The following TENM4 variants were observed in gnomAD, a reference collection of about 807,000 sequenced individuals.
TENM4 encodes teneurin-4.
Under a neutral mutation model 243.3 loss-of-function variants are expected in TENM4, and 82 were observed. The observed-to-expected ratio is 0.34, with a 90% CI of 0.28 to 0.40. The LOEUF (loss-of-function observed/expected upper bound fraction) is 0.40. TENM4 is among the 10% of genes least tolerant of loss of function. The pLI is 1.00. For missense variants in TENM4, 3,138 were observed against 3,673.3 expected, an observed-to-expected ratio of 0.85 and a Z score of 3.77; for synonymous variants, 1,412 against 1,456.3, an observed-to-expected ratio of 0.97 and a Z score of 0.69.
chr11:78,939,050 C>T (rs770557606), intron 6 of TENM4, among the ~76,000 whole-genome samples: 1 of 152,192 alleles, frequency 6.6e-6, no homozygotes, highest in Non-Finnish European at 1.5e-5. Flanking sequence ...CAGCTCCCAT[C>T]TGGGGGCTTG....
At chr11:79,218,359 A>G (rs1325232814) in intron 2 of TENM4, among the ~76,000 whole-genome samples, 2 of 151,962 alleles carry the variant, frequency 1.3e-5, no homozygotes, top group Non-Finnish European at 2.9e-5. Flanking sequence ...CCCAAATGCC[A>G]AATGTCTGGT....
chr11:79,043,582 T>C (rs1859590729), intron 6 of TENM4, among the ~76,000 whole-genome samples: 1 of 152,228 alleles, frequency 6.6e-6, no homozygotes, highest in Admixed American at 6.5e-5. Context: ...TGTTTGTCAC[T>C]GCACCATAAA....
At chr11:78,842,592 A>T (rs1858285445) in intron 12 of TENM4, among the ~76,000 whole-genome samples, 1 of 152,200 alleles carries the variant, frequency 6.6e-6, no homozygotes, top group Non-Finnish European at 1.5e-5. Context: ...GCTGGCCTGA[A>T]CCTCATTTTC....
intron 9 of TENM4, among the ~76,000 whole-genome samples, chr11:78,882,299 C>A (rs1424058058): frequency 6.6e-6 from 1 of 152,236 alleles, no homozygotes; most frequent in Non-Finnish European, 1.5e-5. Context: ...TCTTTCTCTA[C>A]ACATCTCATG....
intron 2 of TENM4, among the ~76,000 whole-genome samples, chr11:79,227,652 G>T (rs527598010): frequency 6.6e-6 from 1 of 152,306 alleles, no homozygotes; most frequent in Non-Finnish European, 1.5e-5. Flanking sequence ...GCAGGTTTTT[G>T]CTTCTTTCCC....
chr11:78,774,433 G>C (rs2136002743), intron 17 of TENM4, among the ~76,000 whole-genome samples: 1 of 152,312 alleles, frequency 6.6e-6, no homozygotes, highest in Non-Finnish European at 1.5e-5. Flanking sequence ...GGCATGATGG[G>C]TTCAGGGCTG....
intron 2 of TENM4, among the ~76,000 whole-genome samples, chr11:79,279,056 G>A (rs999689924): frequency 1.3e-5 from 2 of 152,110 alleles, no homozygotes; most frequent in African/African-American, 4.8e-5. Context: ...ACCTTTAGAT[G>A]CCTGCAGAGT....
rs79942627 is a variant in TENM4 at position 78,911,044 on chromosome 11, C to T, written c.494-7521G>A. Reference sequence around the variant, plus strand: ...ATTCATTTAGTCAGGACAGAACTTTCGGTGAACACTCAGATTATTAAATTG... The same window carrying T: ...ATTCATTTAGTCAGGACAGAACTTTTGGTGAACACTCAGATTATTAAATTG... On this transcript the variant is annotated intron_variant, in intron 6 of 33. Coordinates refer to ENST00000278550, the MANE Select transcript of TENM4 (RefSeq NM_001098816.3). Among the ~76,000 whole-genome samples the T allele has an allele frequency of 6.5e-3, 988 of 152,304 alleles. 9 individuals are homozygous for T. The highest frequency in any genetic ancestry group is 0.022 in the African/African-American group (913 of 41,558).
intron 4 of TENM4, among the ~76,000 whole-genome samples, chr11:79,099,306 C>T (rs1424875691): frequency 2.6e-5 from 4 of 152,078 alleles, no homozygotes; most frequent in Non-Finnish European, 5.9e-5. Flanking sequence ...CCTTTGCAGG[C>T]CCCCCATATA....
chr11:79,103,096 C>T (rs756021452), intron 4 of TENM4, among the ~76,000 whole-genome samples: 5 of 152,106 alleles, frequency 3.3e-5, no homozygotes, highest in Non-Finnish European at 7.3e-5. Flanking sequence ...CTCACTGCTC[C>T]CTGAATACAC....
chr11:79,053,243 T>C (rs1017369790), intron 6 of TENM4, among the ~76,000 whole-genome samples: 1 of 152,214 alleles, frequency 6.6e-6, no homozygotes, highest in African/African-American at 2.4e-5. Flanking sequence ...TCAGGGCAAA[T>C]GCATTATGAA....
At position 79,331,777 on chromosome 11, in the gene TENM4, G is replaced by T. The variant is rs78700423; in HGVS notation, c.-320-34234C>A. Among the ~76,000 whole-genome samples, 936 of 152,350 alleles carry T rather than the reference G, an allele frequency of 6.1e-3. 3 individuals carry two copies. Among genetic ancestry groups the T allele is most frequent in the East Asian group, 0.021 (109 of 5,180 alleles). On this transcript the variant is annotated intron_variant, in intron 1 of 33. Transcript: ENST00000278550. ...CTGCAACCCCGGGCAGGGGAGCCTC[G>T]CAGGGGCTGAGAGCTCAGCCTACCA...
At chr11:79,277,112 G>A (rs1001769918) in intron 2 of TENM4, among the ~76,000 whole-genome samples, 14 of 152,294 alleles carry the variant, frequency 9.2e-5, no homozygotes, top group African/African-American at 2.6e-4. Context: ...GCAAAAGACT[G>A]CAGAACACAC....
intron 1 of TENM4, among the ~76,000 whole-genome samples, chr11:79,373,989 C>G (rs1857838946): frequency 6.6e-6 from 1 of 152,066 alleles, no homozygotes; most frequent in African/African-American, 2.4e-5. Context: ...GGCAGGAAAG[C>G]AGGTAGGAGA....
chr11:79,325,091 C>A (rs1321713879), intron 1 of TENM4, among the ~76,000 whole-genome samples: 1 of 152,170 alleles, frequency 6.6e-6, no homozygotes, highest in Non-Finnish European at 1.5e-5. Context: ...TTGGAATATT[C>A]CAACGTTGGC....
At chr11:79,258,002 C>A (rs1855728625) in intron 2 of TENM4, among the ~76,000 whole-genome samples, 1 of 152,138 alleles carries the variant, frequency 6.6e-6, no homozygotes, top group Non-Finnish European at 1.5e-5. Flanking sequence ...CCTGCAAACA[C>A]CTGCGAGGTG....
chr11:78,886,295 C>A (rs2136284489), intron 9 of TENM4, among the ~76,000 whole-genome samples: 1 of 152,212 alleles, frequency 6.6e-6, no homozygotes, highest in South Asian at 2.1e-4. Flanking sequence ...GGAAAAGGGT[C>A]TTTGTTAGGG....
At chr11:79,202,208 C>T (rs1252487754) in intron 3 of TENM4, among the ~76,000 whole-genome samples, 1 of 152,174 alleles carries the variant, frequency 6.6e-6, no homozygotes. Flanking sequence ...ACCACTGCCA[C>T]TCTGACTGCC....
chr11:79,266,136 A>T (rs909511949), intron 2 of TENM4, among the ~76,000 whole-genome samples: 1 of 152,172 alleles, frequency 6.6e-6, no homozygotes, highest in Non-Finnish European at 1.5e-5. Context: ...ACGTCATAAG[A>T]CTTACTGAGT....
Sources: allele counts gnomAD v4.1 joint callset (sites outside exome capture counted in the v4.1 genomes callset), GRCh38; gene constraint gnomAD v4.1.1; transcripts MANE v1.5; gene names NCBI Gene and HGNC (gene_info 2026-07-23, HGNC 2026-07-21).